Variants in CUX2 observed in about 807,000 individuals in gnomAD.
CUX2 encodes cut like homeobox 2, also known as homeobox protein cut-like 2.
CUX2 carries 40 observed loss-of-function variants against 144.8 expected under a neutral mutation model. The observed-to-expected ratio is 0.28, with a 90% CI of 0.21 to 0.36. The LOEUF (loss-of-function observed/expected upper bound fraction) is 0.36. Among genes scored for constraint, CUX2 ranks in the 10% least tolerant of loss-of-function variants. The pLI is 1.00. For missense variants in CUX2, 1,615 were observed against 1,994.0 expected, an observed-to-expected ratio of 0.81 and a Z score of 3.62; for synonymous variants, 827 against 875.6, an observed-to-expected ratio of 0.94 and a Z score of 0.98.
intron 1 of CUX2, among the ~76,000 whole-genome samples, chr12:111,070,437 C>T (rs1054400236): frequency 9.5e-5 from 10 of 105,030 alleles, no homozygotes; most frequent in African/African-American, 3.8e-4. Flanking sequence ...TCCTTCCTTC[C>T]TTCCTTCCTT....
intron 1 of CUX2, among the ~76,000 whole-genome samples, chr12:111,205,973 T>C (rs1378244427): frequency 6.6e-6 from 1 of 152,186 alleles, no homozygotes; most frequent in Non-Finnish European, 1.5e-5. Flanking sequence ...TTCATTTTAG[T>C]AAAGAAGTAA....
At chr12:111,224,545 A>G (rs1422012225) in intron 3 of CUX2, among the ~76,000 whole-genome samples, 3 of 53,630 alleles carry the variant, frequency 5.6e-5, no homozygotes, top group African/African-American at 2.1e-4. Flanking sequence ...TTTGCCTTTT[A>G]ACGTTATTTG....
chr12:111,309,311 G>T (rs1044826922), intron 14 of CUX2, among the ~76,000 whole-genome samples: 12 of 152,330 alleles, frequency 7.9e-5, no homozygotes, highest in African/African-American at 2.9e-4. Flanking sequence ...TGGGTGCCAT[G>T]TAGGTCTAGT....
chr12:111,334,351 A>C, intron 18 of CUX2, 90 bp from the exon 19 acceptor site: 1 of 1,415,066 alleles, frequency 7.1e-7, no homozygotes, highest in Non-Finnish European at 9.5e-7. Context: ...GGTGTTTGGC[A>C]ACTCTTGGCT....
rs913203363 is a variant in CUX2 at position 111,035,773 on chromosome 12, G to A, written c.63+1533G>A. Among the ~76,000 whole-genome samples, 1 of 152,138 alleles carries A rather than the reference G, an allele frequency of 6.6e-6. No individual in the cohort carries two copies. The highest frequency in any genetic ancestry group is 2.4e-5 in the African/African-American group (1 of 41,426). Reference sequence around the variant, plus strand: ...CCCCTCCCCCAAAGCCATTGAGCTGGGGAGAAAATCGGGGCACTGAGGCAT... The same window carrying A: ...CCCCTCCCCCAAAGCCATTGAGCTGAGGAGAAAATCGGGGCACTGAGGCAT... On this transcript the variant is annotated intron_variant, in intron 1 of 21. Transcript: ENST00000261726. The surrounding 1 kb of genome is among the most constrained non-coding windows in gnomAD (Gnocchi z 6.0).
chr12:111,269,884 G>A (rs1470427912), intron 4 of CUX2, among the ~76,000 whole-genome samples: 1 of 152,154 alleles, frequency 6.6e-6, no homozygotes, highest in Admixed American at 6.5e-5. Flanking sequence ...CCCCAGAAAT[G>A]CAGGGGCGGG....
chr12:111,298,522 C>A lies in CUX2; in HGVS notation c.705-19C>A, dbSNP rs778094108. 4.5e-6 allele frequency: 7 copies of A among 1,566,998 alleles called. No individual in the cohort carries two copies. The Admixed American group carries it at 1.3e-4, about 29-fold the overall frequency. On this transcript the variant is annotated intron_variant, in intron 8 of 21. Transcript: ENST00000261726. ...GCCCGCCGGAAGCCCTTCCTCAGGG[C>A]CTCATCTTTGTGTCTCAGGGCAGAT...
intron 16 of CUX2, among the ~76,000 whole-genome samples, chr12:111,318,240 TTTTTC>T (rs1379221653): frequency 8.3e-6 from 1 of 120,784 alleles, no homozygotes; most frequent in African/African-American, 4.4e-5. Context: ...TTTTTTTTCT[TTTTTC>T]TTTTTTTTTT....
intron 1 of CUX2, among the ~76,000 whole-genome samples, chr12:111,052,420 C>CAA (rs35221422): frequency 2.1e-4 from 28 of 132,746 alleles, no homozygotes; most frequent in Non-Finnish European, 4.0e-4. Context: ...AGTAGGCCCT[C>CAA]AAAAAAAAAA....
intron 1 of CUX2, among the ~76,000 whole-genome samples, chr12:111,213,987 CA>C (rs1196754224): frequency 5.9e-5 from 9 of 151,492 alleles, no homozygotes; most frequent in Non-Finnish European, 1.0e-4. Context: ...TTCCGACGAG[CA>C]AAAAAAGCTG....
Position 111,185,900 on chromosome 12 carries a change from CCT to C in CUX2, c.64-28290_64-28289del, listed in dbSNP as rs980518818. The stretch of plus-strand genomic sequence containing the variant: ...AGGCAGTAGTTGGTCTCTCATTCTC[CCT>C]CTCTCTCTCATACCTCATCCCTCCC... On this transcript the variant is annotated intron_variant, in intron 1 of 21. Coordinates refer to ENST00000261726, the MANE Select transcript of CUX2 (RefSeq NM_015267.4). Among the ~76,000 whole-genome samples, 57 of 151,122 alleles carry C rather than the reference CCT, an allele frequency of 3.8e-4. 2 individuals carry two copies. Among genetic ancestry groups the C allele is most frequent in the African/African-American group, 1.3e-3 (55 of 41,134 alleles).
chr12:111,064,965 C>T (rs1870959970), intron 1 of CUX2, among the ~76,000 whole-genome samples: 1 of 152,240 alleles, frequency 6.6e-6, no homozygotes, highest in Non-Finnish European at 1.5e-5. Flanking sequence ...TAGACTCTGA[C>T]TCTCTGCTGT....
At chr12:111,159,622 A>G (rs1052126121) in intron 1 of CUX2, among the ~76,000 whole-genome samples, 7 of 152,242 alleles carry the variant, frequency 4.6e-5, no homozygotes, top group Non-Finnish European at 1.0e-4. Context: ...AGAATAAACA[A>G]TGAGTCTCCT....
intron 18 of CUX2, among the ~76,000 whole-genome samples, chr12:111,331,476 C>G (rs1888119011): frequency 6.6e-6 from 1 of 152,086 alleles, no homozygotes; most frequent in Non-Finnish European, 1.5e-5. Context: ...ATTAGGGGTG[C>G]CTCCCTGGGG....
chr12:111,098,968 C>G (rs1046209996), intron 1 of CUX2, among the ~76,000 whole-genome samples: 3 of 152,230 alleles, frequency 2.0e-5, no homozygotes, highest in African/African-American at 7.2e-5. Context: ...GCATGTAGAA[C>G]CAGCCTGAGA....
intron 4 of CUX2, among the ~76,000 whole-genome samples, chr12:111,285,790 C>T (rs1463070171): frequency 6.6e-6 from 1 of 152,208 alleles, no homozygotes; most frequent in East Asian, 1.9e-4. Context: ...GGGCCTTGGC[C>T]GTTAGGACTC....
chr12:111,190,689 G>A lies in CUX2; in HGVS notation c.64-23511G>A, dbSNP rs911562097. Among the ~76,000 whole-genome samples, 1 of 152,190 alleles carries A rather than the reference G, an allele frequency of 6.6e-6. No homozygotes were observed. Among genetic ancestry groups the A allele is most frequent in the African/African-American group, 2.4e-5 (1 of 41,448 alleles). ...CCTGAAGGTGGTTGGTCCCAGATGC[G>A]AGGAGCAAAGGCAAAAGAGAGGCAG... On this transcript the variant is annotated intron_variant, in intron 1 of 21. Transcript: ENST00000261726. This position sits in a 1 kb window ranked among gnomAD's most constrained non-coding sequence, Gnocchi z 4.0.
chr12:111,336,449 T>C (rs1888357589), intron 19 of CUX2, among the ~76,000 whole-genome samples: 2 of 151,830 alleles, frequency 1.3e-5, no homozygotes, highest in African/African-American at 4.8e-5. Context: ...TGTGTGTGTG[T>C]GTGTGTGTGT....
chr12:111,192,196 G>A (rs927724613), intron 1 of CUX2, among the ~76,000 whole-genome samples: 4 of 151,192 alleles, frequency 2.6e-5, no homozygotes, highest in East Asian at 1.9e-4. Context: ...GTGTGATCTC[G>A]GCTTACTACA....
Sources: allele counts gnomAD v4.1 joint callset (sites outside exome capture counted in the v4.1 genomes callset), GRCh38; gene constraint gnomAD v4.1.1; non-coding constraint Gnocchi (gnomAD v3.1); transcripts MANE v1.5; gene names NCBI Gene and HGNC (gene_info 2026-07-23, HGNC 2026-07-21).